Variants in SLC27A2 observed in about 807,000 individuals in gnomAD.
SLC27A2 encodes the protein solute carrier family 27 member 2, also known as long-chain fatty acid transport protein 2.
SLC27A2 carries 54 observed loss-of-function variants against 60.0 expected under a neutral mutation model. The observed-to-expected ratio is 0.90, with a 90% CI of 0.72 to 1.13. The LOEUF is 1.13. SLC27A2 is among the 50% of genes most tolerant of loss of function. The pLI is 0.00. For synonymous variants in SLC27A2, 297 were observed against 297.6 expected (o/e 1.00, Z 0.02); for missense variants, 739 against 777.6 (o/e 0.95, Z 0.59).
chr15:50,210,253 C>T (rs542963642), intron 4 of SLC27A2, among the ~76,000 whole-genome samples: 2 of 152,248 alleles, frequency 1.3e-5, no homozygotes, highest in African/African-American at 4.8e-5. Context: ...CCAAGAGGAC[C>T]CACAGACCCT....
chr15:50,205,217 A>G, intron 3 of SLC27A2, 22 bp from the exon 4 acceptor site: 2 of 1,574,608 alleles, frequency 1.3e-6, no homozygotes, highest in South Asian at 1.2e-5. Context: ...CTTTCTTGAC[A>G]CTTTCTGTGC....
chr15:50,184,359 A>C (rs555607118), intron 1 of SLC27A2, among the ~76,000 whole-genome samples: 2 of 152,222 alleles, frequency 1.3e-5, no homozygotes, highest in East Asian at 3.9e-4. Flanking sequence ...GAAGGGATGA[A>C]GTGTCCACTT....
At chr15:50,235,444 A>G (rs1027974705) in intron 9 of SLC27A2, among the ~76,000 whole-genome samples, 9 of 152,184 alleles carry the variant, frequency 5.9e-5, no homozygotes, top group African/African-American at 9.7e-5. Flanking sequence ...TCAGAAATCT[A>G]TGCACAGGTA....
At position 50,189,044 on chromosome 15, in the gene SLC27A2, T is replaced by A. The variant is rs902593830; in HGVS notation, c.478+6139T>A. ...ATAGATAGATGCATACAAACATACATACATACATACATACATAATGGATAG... is the reference window on the plus strand; with the variant it reads ...ATAGATAGATGCATACAAACATACAAACATACATACATACATAATGGATAG... On this transcript the variant is annotated intron_variant, in intron 1 of 9. Transcript: ENST00000267842. Among the ~76,000 whole-genome samples, 846 of 143,378 alleles carry A rather than the reference T, an allele frequency of 5.9e-3. 9 individuals are homozygous for A. The highest frequency in any genetic ancestry group is 0.021 in the African/African-American group (793 of 37,868). The allele number at this position is 143,378 out of a possible 152,430, so 94.1% of individuals were successfully genotyped here. A position where few individuals can be genotyped will look rare whatever the true frequency, so the allele number is the denominator to read the frequency against.
At chr15:50,206,516 T>C (rs2045113623) in intron 4 of SLC27A2, among the ~76,000 whole-genome samples, 1 of 152,156 alleles carries the variant, frequency 6.6e-6, no homozygotes, top group Non-Finnish European at 1.5e-5. Flanking sequence ...TCACCTCACT[T>C]TACTCAGTCT....
intron 4 of SLC27A2, among the ~76,000 whole-genome samples, chr15:50,215,385 C>T (rs945779313): frequency 6.6e-6 from 1 of 152,158 alleles, no homozygotes; most frequent in East Asian, 1.9e-4. Flanking sequence ...AATGACCATA[C>T]TGCCAAAAGC....
Position 50,235,989 on chromosome 15 carries a change from G to T in SLC27A2, c.1756G>T (p.Ala586Ser). The change falls in exon 10 of 10, where the codon GCT (alanine) becomes TCT (serine). Residue 586 changes from alanine (A) to serine (S), a missense_variant. Ala to Ser is a moderately conservative substitution (Grantham distance 99, BLOSUM62 1). Coordinates refer to ENST00000267842, the MANE Select transcript of SLC27A2 (RefSeq NM_003645.4). ...MTLVEEGFNP[A>S]VIKDALYFLD... ...CCTGGTGGAGGAGGGCTTTAACCCT[G>T]CTGTCATCAAAGATGCCTTGTATTT... is the stretch of plus-strand genomic sequence containing the variant. 6.2e-7 allele frequency: 1 copy of T among 1,614,038 alleles called. No homozygotes were observed. Among genetic ancestry groups the T allele is most frequent in the Non-Finnish European group, 8.5e-7 (1 of 1,179,948 alleles).
In SLC27A2 at chr15:50,182,292, T is replaced by G; in HGVS notation, c.-136T>G. On this transcript the variant is annotated 5_prime_UTR_variant, in exon 1 of 10. Transcript: ENST00000267842. ...CGGAGGAGCTCTGTCTTCCCCTTCATCTCACGCGAGCCCGGCGTCCCGCCG... is the reference window on the plus strand; with the variant it reads ...CGGAGGAGCTCTGTCTTCCCCTTCAGCTCACGCGAGCCCGGCGTCCCGCCG... The G allele has an allele frequency of 7.7e-7, 1 of 1,290,860 alleles. No individual in the cohort carries two copies. The highest frequency in any genetic ancestry group is 9.9e-7 in the Non-Finnish European group (1 of 1,014,422). 80.0% of individuals were successfully genotyped at this position (1,290,860 alleles called of 1,614,324 possible). A position where few individuals can be genotyped will look rare whatever the true frequency, so the allele number is the denominator to read the frequency against.
chr15:50,218,742 G>A (rs28549918), intron 4 of SLC27A2, among the ~76,000 whole-genome samples: 188 of 151,932 alleles, frequency 1.2e-3, no homozygotes, highest in African/African-American at 4.2e-3. Flanking sequence ...ACTCCCCTTC[G>A]GGAATTTACT....
rs956457781 is a variant in SLC27A2 at position 50,236,157 on chromosome 15, A to G, written c.*61A>G. 1 of 1,367,722 alleles carries G rather than the reference A, an allele frequency of 7.3e-7. No individual in the cohort carries two copies. The highest frequency in any genetic ancestry group is 1.5e-5 in the African/African-American group (1 of 68,578). The allele number at this position is 1,367,722 out of a possible 1,614,324, so 84.7% of individuals were successfully genotyped here. A position where few individuals can be genotyped will look rare whatever the true frequency, so the allele number is the denominator to read the frequency against. On this transcript the variant is annotated 3_prime_UTR_variant, in exon 10 of 10. Coordinates refer to ENST00000267842, the MANE Select transcript of SLC27A2 (RefSeq NM_003645.4). ...GAAACTGAATGGACAGCCACTTGAT[A>G]TAATCCAACTTTAATTTGATTGAAG...
chr15:50,193,460 T>G (rs766149595), intron 1 of SLC27A2, among the ~76,000 whole-genome samples: 1 of 152,166 alleles, frequency 6.6e-6, no homozygotes, highest in Non-Finnish European at 1.5e-5. Context: ...AGGGAGGGAA[T>G]GAGAATGGAT....
intron 1 of SLC27A2, among the ~76,000 whole-genome samples, chr15:50,191,308 C>A (rs1023210220): frequency 1.3e-5 from 2 of 152,200 alleles, no homozygotes; most frequent in Non-Finnish European, 2.9e-5. Context: ...CTGACGGACT[C>A]ACTCTTCAGC....
intron 4 of SLC27A2, among the ~76,000 whole-genome samples, chr15:50,221,209 AG>A (rs1459526475): frequency 6.6e-6 from 1 of 150,552 alleles, no homozygotes; most frequent in Non-Finnish European, 1.5e-5. Flanking sequence ...AAAAAAAGAG[AG>A]AGAGAAAATA....
At chr15:50,226,881 C>T (rs894656975) in intron 6 of SLC27A2, 99 bp from the exon 7 acceptor site, 2 of 892,748 alleles carry the variant, frequency 2.2e-6, no homozygotes, top group Non-Finnish European at 3.4e-6. Flanking sequence ...CTACAGCCAG[C>T]TTGTTGCCAG....
Position 50,229,128 on chromosome 15 carries a change from C to T in SLC27A2, c.1555+86C>T, listed in dbSNP as rs927124996. 41 of 830,190 alleles carry T rather than the reference C, an allele frequency of 4.9e-5. 1 individual carries two copies. The highest frequency in any genetic ancestry group is 4.4e-4 in the South Asian group (29 of 66,010). The allele number at this position is 830,190 out of a possible 1,614,324, so 51.4% of individuals were successfully genotyped here. A position where few individuals can be genotyped will look rare whatever the true frequency, so the allele number is the denominator to read the frequency against. On this transcript the variant is annotated intron_variant, in intron 8 of 9. Coordinates refer to ENST00000267842, the MANE Select transcript of SLC27A2 (RefSeq NM_003645.4). The stretch of plus-strand genomic sequence containing the variant: ...AAGGCGAAGTTTGTCATTGCTTTCT[C>T]CCGCCATCCAGAGTTAAACAGTTCT...
Position 50,228,809 on chromosome 15 carries a change from G to A in SLC27A2, c.1458-136G>A, listed in dbSNP as rs141328261. The stretch of plus-strand genomic sequence containing the variant: ...AAGATACCCCGGCCAGGACTAAGTT[G>A]GGGAGTTTGAGGGGCCAAGATGAGG... On this transcript the variant is annotated intron_variant, in intron 7 of 9. Coordinates refer to ENST00000267842, the MANE Select transcript of SLC27A2 (RefSeq NM_003645.4). 1,078 of 651,910 alleles carry A rather than the reference G, an allele frequency of 1.7e-3. 3 individuals carry two copies. The highest frequency in any genetic ancestry group is 1.4e-3 in the Non-Finnish European group (519 of 358,578). The allele number at this position is 651,910 out of a possible 1,614,324, so 40.4% of individuals were successfully genotyped here.
intron 1 of SLC27A2, among the ~76,000 whole-genome samples, chr15:50,185,038 A>G (rs1365507): frequency 0.063 from 9,633 of 152,194 alleles, 630 homozygotes; most frequent in African/African-American, 0.17. Context: ...TCTTTGTACC[A>G]CTTCAGGAAG....
At chr15:50,188,945 G>C (rs546468561) in intron 1 of SLC27A2, among the ~76,000 whole-genome samples, 7 of 152,166 alleles carry the variant, frequency 4.6e-5, no homozygotes, top group African/African-American at 1.7e-4. Flanking sequence ...GGATGACAGA[G>C]TGAGACTGTC....
chr15:50,189,290 T>C (rs1237640828), intron 1 of SLC27A2, among the ~76,000 whole-genome samples: 1 of 152,184 alleles, frequency 6.6e-6, no homozygotes, highest in East Asian at 1.9e-4. Context: ...AATGACTCTG[T>C]CCAGCTCTCT....
Sources: gnomAD v4.1 joint callset for allele counts (sites outside exome capture counted in the v4.1 genomes callset) on GRCh38, gnomAD v4.1.1 for gene constraint, MANE v1.5 for transcripts, NCBI Gene and HGNC (gene_info 2026-07-23, HGNC 2026-07-21) for gene names.